The following BANP variants were observed in gnomAD, a reference collection of about 807,000 sequenced individuals.
The protein encoded by BANP is BTG3 associated nuclear protein, also known as protein BANP.
BANP carries 11 observed loss-of-function variants against 68.1 expected under a neutral mutation model. The observed-to-expected ratio is 0.16, with a 90% CI of 0.10 to 0.27. The LOEUF is 0.27. Ranked by LOEUF, BANP falls within the 10% of genes least tolerant of loss-of-function variation. The pLI is 1.00. For missense variants in BANP, 504 were observed against 722.7 expected (o/e 0.70, Z 3.47); for synonymous variants, 329 against 303.2 (o/e 1.09, Z -0.88).
intron 1 of BANP, among the ~76,000 whole-genome samples, chr16:87,966,215 C>T (rs1209466048): frequency 6.6e-6 from 1 of 152,200 alleles, no homozygotes; most frequent in Non-Finnish European, 1.5e-5. Context: ...TTCTTCACCA[C>T]TCCTGTTCTG....
At chr16:88,058,554 CCT>C (rs1188533599) in intron 11 of BANP, among the ~76,000 whole-genome samples, 2 of 152,186 alleles carry the variant, frequency 1.3e-5, no homozygotes, top group African/African-American at 2.4e-5. Context: ...CAGGCTGTTT[CCT>C]CTCACACAGG....
At chr16:88,006,978 A>G (rs536374755) in intron 6 of BANP, among the ~76,000 whole-genome samples, 172 of 150,886 alleles carry the variant, frequency 1.1e-3, no homozygotes, top group African/African-American at 3.9e-3. Context: ...AAAGATAGTG[A>G]TACAGTATAA....
chr16:88,027,162 C>T (rs969385620), intron 7 of BANP, among the ~76,000 whole-genome samples: 1 of 152,226 alleles, frequency 6.6e-6, no homozygotes, highest in African/African-American at 2.4e-5. Flanking sequence ...CGTGGAAGGT[C>T]TGGGAATCTT....
chr16:87,956,470 C>CT (rs2058070438), intron 1 of BANP: 1 of 152,214 alleles, frequency 6.6e-6, no homozygotes, highest in Admixed American at 6.5e-5. Context: ...CTTTGGGGGC[C>CT]TGGGGGCCGT....
rs1308120838 is a variant in BANP, at chr16:88,071,133, G to A, written c.1378-936G>A. ...TCCGTGGGGTGGGGCACCCTGCGAC[G>A]GGCTGCTCCTCTTCCCAGGGCCACC... On this transcript the variant is annotated intron_variant, in intron 12 of 13. Coordinates refer to ENST00000682872, the MANE Select transcript of BANP (RefSeq NM_001386991.1). The surrounding 1 kb of genome is among the most constrained non-coding windows in gnomAD (Gnocchi z 6.5). 2 of 284,288 alleles carry A rather than the reference G, an allele frequency of 7.0e-6. No individual in the cohort carries two copies. Among genetic ancestry groups the A allele is most frequent in the South Asian group, 3.3e-5 (1 of 30,352 alleles). 17.6% of individuals were successfully genotyped at this position (284,288 alleles called of 1,614,324 possible).
intron 11 of BANP, among the ~76,000 whole-genome samples, chr16:88,047,272 C>A (rs2082247275): frequency 6.6e-6 from 1 of 152,038 alleles, no homozygotes; most frequent in South Asian, 2.1e-4. Flanking sequence ...AAGTAAGATA[C>A]CACCAGGGTG....
chr16:87,981,743 T>C (rs1232412045), intron 3 of BANP, among the ~76,000 whole-genome samples: 1 of 152,228 alleles, frequency 6.6e-6, no homozygotes, highest in East Asian at 1.9e-4. Context: ...CCATTTTGGA[T>C]GGAAGGAAAG....
chr16:88,027,937 C>G (rs981068928), intron 8 of BANP, among the ~76,000 whole-genome samples: 11 of 152,364 alleles, frequency 7.2e-5, no homozygotes, highest in Non-Finnish European at 1.5e-4. Context: ...AGGCCGAGGC[C>G]TTTGCGTGGG....
intron 1 of BANP, among the ~76,000 whole-genome samples, chr16:87,967,300 G>GTTAGCCTTTA (rs2060212876): frequency 7.4e-6 from 1 of 135,850 alleles, no homozygotes; most frequent in African/African-American, 2.8e-5. Context: ...GTAGAGACGG[G>GTTAGCCTTTA]GTTTCACCCT....
At chr16:88,006,055 C>G (rs373928466) in intron 5 of BANP, 35 bp from the exon 6 acceptor site, 9 of 1,612,934 alleles carry the variant, frequency 5.6e-6, no homozygotes, top group Middle Eastern at 1.9e-4. Context: ...GCGGCTCTTA[C>G]CACATCGGGC....
intron 8 of BANP, among the ~76,000 whole-genome samples, chr16:88,028,704 G>A (rs1054849363): frequency 1.8e-4 from 27 of 152,246 alleles, no homozygotes; most frequent in Admixed American, 2.0e-4. Context: ...GAAATACCAT[G>A]TAGCAGCGTA....
chr16:87,956,166 A>G (rs142446074), intron 1 of BANP, among the ~76,000 whole-genome samples: 19 of 152,342 alleles, frequency 1.2e-4, no homozygotes, highest in African/African-American at 3.8e-4. Context: ...CAGTTACACG[A>G]TTAAGTGATT....
At chr16:87,969,156 G>C (rs998505414) in intron 1 of BANP, among the ~76,000 whole-genome samples, 2 of 152,166 alleles carry the variant, frequency 1.3e-5, no homozygotes, top group African/African-American at 4.8e-5. Context: ...CTGAAGCTGC[G>C]TGGTATATTC....
chr16:88,072,481 C>G (rs1467622152), intron 13 of BANP, among the ~76,000 whole-genome samples: 2 of 152,250 alleles, frequency 1.3e-5, no homozygotes, highest in African/African-American at 4.8e-5. Flanking sequence ...AGAAGTGAAG[C>G]TCTGCCCTGT....
intron 11 of BANP, among the ~76,000 whole-genome samples, chr16:88,050,476 A>G (rs1015934967): frequency 1.3e-5 from 2 of 152,086 alleles, no homozygotes; most frequent in Middle Eastern, 6.9e-3. Context: ...TTTTAAACTA[A>G]TAGCTGTGCC....
At position 88,036,528 on chromosome 16, in the gene BANP, G is replaced by A. The variant is rs2079406659; in HGVS notation, c.1272+1134G>A. ...TGGCACGTGGAGCACCAGGGACTCG[G>A]GCGTGTCTGCTGGCAGTGGCTTTAA... On this transcript the variant is annotated intron_variant, in intron 10 of 13. Coordinates refer to ENST00000682872, the MANE Select transcript of BANP (RefSeq NM_001386991.1). The surrounding 1 kb of genome is among the most constrained non-coding windows in gnomAD (Gnocchi z 4.2). Among the ~76,000 whole-genome samples, 1 of 152,150 alleles carries A rather than the reference G, an allele frequency of 6.6e-6. No individual in the cohort carries two copies. The highest frequency in any genetic ancestry group is 1.5e-5 in the Non-Finnish European group (1 of 68,030).
At chr16:87,979,749 C>T (rs919587922) in intron 2 of BANP, among the ~76,000 whole-genome samples, 4 of 152,080 alleles carry the variant, frequency 2.6e-5, no homozygotes, top group African/African-American at 2.4e-5. Flanking sequence ...TATGTATGCA[C>T]GTATATAATA....
intron 2 of BANP, chr16:87,980,668 A>C (rs1262872294): frequency 1.7e-5 from 4 of 229,612 alleles, no homozygotes; most frequent in Non-Finnish European, 3.5e-5. Context: ...GAGGTGACCA[A>C]CAGATAAAAC....
intron 11 of BANP, among the ~76,000 whole-genome samples, chr16:88,042,015 G>GAGAGACGCAGTAGGAGGGTT (rs2080937955): frequency 6.6e-6 from 1 of 152,178 alleles, no homozygotes; most frequent in Non-Finnish European, 1.5e-5. Context: ...GTAGGAGGGT[G>GAGAGACGCAGTAGGAGGGTT]AGAGACACAG....
Sources: gnomAD v4.1 joint callset for allele counts (sites outside exome capture counted in the v4.1 genomes callset) on GRCh38, gnomAD v4.1.1 for gene constraint, Gnocchi (gnomAD v3.1) non-coding constraint, MANE v1.5 for transcripts, NCBI Gene and HGNC (gene_info 2026-07-23, HGNC 2026-07-21) for gene names.